CDC42BPB: variants seen among roughly 807,000 people sequenced by gnomAD.
CDC42BPB encodes the protein CDC42 binding protein kinase beta.
CDC42BPB carries 37 observed loss-of-function variants against 214.9 expected under a neutral mutation model. The observed-to-expected ratio is 0.17, with a 90% CI of 0.13 to 0.23. CDC42BPB has a LOEUF of 0.23. Ranked by LOEUF, CDC42BPB falls within the 10% of genes least tolerant of loss-of-function variation. CDC42BPB has a pLI of 1.00. For synonymous variants in CDC42BPB, 931 were observed against 884.0 expected, an observed-to-expected ratio of 1.05 and a Z score of -0.94; for missense variants, 1,694 against 2,227.0, an observed-to-expected ratio of 0.76 and a Z score of 4.82.
rs538525924 is a variant in CDC42BPB, at chr14:102,946,557, C to T, written c.3659G>A (p.Arg1220Gln). The T allele has an allele frequency of 7.2e-5, 116 of 1,612,764 alleles. No individual in the cohort carries two copies. The highest frequency in any genetic ancestry group is 1.7e-4 in the Middle Eastern group (1 of 6,060). Residue 1220 changes from arginine to glutamine, a missense_variant, in exon 28 of 37, where the codon CGG (arginine) becomes CAG (glutamine). Arg to Gln is a conservative substitution (Grantham distance 43). Coordinates refer to ENST00000361246, the MANE Select transcript of CDC42BPB (RefSeq NM_006035.4). ...AACATGCACGACCTGATTCCTCAGC[C>T]GGTTTTTATGAAGGATGGACTGGAG... is the stretch of plus-strand genomic sequence containing the variant. ...EGLQSILHKNRLRNQVVHVPL... is the reference protein window; with the variant it reads ...EGLQSILHKNQLRNQVVHVPL...
intron 20 of CDC42BPB, 100 bp from the exon 21 acceptor site, chr14:102,959,810 T>TA (rs1892874199): frequency 8.4e-7 from 1 of 1,196,638 alleles, no homozygotes; most frequent in Non-Finnish European, 1.1e-6. Flanking sequence ...TCTCCTTGAG[T>TA]AACTGATACA....
chr14:103,039,913 A>G (rs925929079), intron 1 of CDC42BPB, among the ~76,000 whole-genome samples: 2 of 152,204 alleles, frequency 1.3e-5, no homozygotes, highest in Non-Finnish European at 2.9e-5. Flanking sequence ...AAAAACTACT[A>G]AAACTAATTA....
intron 1 of CDC42BPB, among the ~76,000 whole-genome samples, chr14:103,035,933 CT>C (rs1373939070): frequency 6.6e-6 from 1 of 152,080 alleles, no homozygotes; most frequent in African/African-American, 2.4e-5. Flanking sequence ...AGGAGGATCG[CT>C]TTAGCTCAGG....
At chr14:103,006,646 G>C (rs1885835254) in intron 3 of CDC42BPB, among the ~76,000 whole-genome samples, 1 of 152,048 alleles carries the variant, frequency 6.6e-6, no homozygotes, top group African/African-American at 2.4e-5. Flanking sequence ...TTATAAATCA[G>C]TATTATAAAA....
chr14:102,975,033 A>G (rs1469006504), intron 11 of CDC42BPB, among the ~76,000 whole-genome samples: 5 of 152,278 alleles, frequency 3.3e-5, no homozygotes, highest in Non-Finnish European at 7.3e-5. Flanking sequence ...AAGTGGTGAC[A>G]GCAGGTCTAG....
chr14:102,961,057 C>T (rs564460438), intron 20 of CDC42BPB, among the ~76,000 whole-genome samples: 51 of 151,932 alleles, frequency 3.4e-4, no homozygotes, highest in Non-Finnish European at 4.7e-4. Flanking sequence ...GTCCCAGCTA[C>T]TCAGGGGGCT....
intron 1 of CDC42BPB, among the ~76,000 whole-genome samples, chr14:103,055,930 G>T (rs886490189): frequency 6.6e-6 from 1 of 152,206 alleles, no homozygotes; most frequent in Non-Finnish European, 1.5e-5. Flanking sequence ...CCAAGGATAA[G>T]GTTTTCATAG....
intron 5 of CDC42BPB, among the ~76,000 whole-genome samples, chr14:102,997,864 G>A (rs951556234): frequency 2.6e-5 from 4 of 152,376 alleles, no homozygotes; most frequent in African/African-American, 9.6e-5. Flanking sequence ...ATGACGTGGA[G>A]CCGGGCGCGG....
At chr14:103,003,871 A>G (rs973784857) in intron 4 of CDC42BPB, 57 bp downstream of exon 4, 1 of 1,389,490 alleles carries the variant, frequency 7.2e-7, no homozygotes, top group Non-Finnish European at 1.0e-6. Context: ...TAGTGACAGC[A>G]TAAAGGAATA....
chr14:102,976,035 C>T lies in CDC42BPB; in HGVS notation c.1235G>A (p.Arg412Gln), dbSNP rs775986875. 9 of 1,611,084 alleles carry T rather than the reference C, an allele frequency of 5.6e-6. No homozygotes were observed. Among genetic ancestry groups the T allele is most frequent in the Admixed American group, 5.0e-5 (3 of 59,614 alleles). The stretch of plus-strand genomic sequence containing the variant: ...CTGCATTATGCTCTTCAGAGAGCCT[C>T]GATCAGAAAAACAGCTGGGAAACCA... The part of the protein sequence containing the change: ...TFTTESCFSD[R>Q]GSLKSIMQSN... The change falls in exon 10 of 37, where the codon CGA becomes CAA. Residue 412 changes from arginine (R) to glutamine (Q), a missense_variant. Transcript: ENST00000361246.
At chr14:103,053,087 C>T (rs992980853) in intron 1 of CDC42BPB, among the ~76,000 whole-genome samples, 3 of 152,190 alleles carry the variant, frequency 2.0e-5, no homozygotes, top group Admixed American at 1.3e-4. Context: ...TGGTGGCTCA[C>T]GCCTGTAATC....
rs533158131 is a variant in CDC42BPB, at chr14:102,985,363, T to C, written c.690+1124A>G. 4.6e-4 allele frequency among the ~76,000 whole-genome samples: 68 copies of C among 148,608 alleles called. 1 individual carries two copies. The highest frequency in any genetic ancestry group is 1.7e-3 in the African/African-American group (67 of 39,776). On this transcript the variant is annotated intron_variant, in intron 6 of 36. Coordinates refer to ENST00000361246, the MANE Select transcript of CDC42BPB (RefSeq NM_006035.4). ...CAGGGTGGTGTGGAGGTGAGGAGGGTAACCCATGCTCTTGTTATACCGTGA... is the reference window on the plus strand; with the variant it reads ...CAGGGTGGTGTGGAGGTGAGGAGGGCAACCCATGCTCTTGTTATACCGTGA...
rs373866056 is a variant in CDC42BPB, at chr14:102,968,478, C to T, written c.2234G>A (p.Arg745Gln). The T allele has an allele frequency of 1.5e-5, 24 of 1,613,996 alleles. No individual in the cohort carries two copies. The highest frequency in any genetic ancestry group is 1.6e-4 in the Middle Eastern group (1 of 6,082). Residue 745 changes from arginine to glutamine, a missense_variant, in exon 15 of 37, where the codon CGA becomes CAA. Coordinates refer to ENST00000361246, the MANE Select transcript of CDC42BPB (RefSeq NM_006035.4). ...GAAGCTCATGAAAACCTACCGTTCT[C>T]GCTTTGACTTTTCTAACTTATCTTT... ...MLKDKLEKSK[R>Q]ERHNEMEEAV...
chr14:102,952,815 A>G, intron 23 of CDC42BPB: 2 of 799,852 alleles, frequency 2.5e-6, no homozygotes, highest in Non-Finnish European at 3.0e-6. Context: ...AGGCCAACAA[A>G]TACTTCCTTC....
At chr14:103,043,549 C>T (rs965427890) in intron 1 of CDC42BPB, among the ~76,000 whole-genome samples, 1 of 152,170 alleles carries the variant, frequency 6.6e-6, no homozygotes, top group Admixed American at 6.6e-5. Context: ...CTAAAGGTTA[C>T]AGGGTTCCTT....
At position 102,974,026 on chromosome 14, in the gene CDC42BPB, T is replaced by A. The variant is rs763896010; in HGVS notation, c.1631A>T (p.Glu544Val). 7.5e-6 allele frequency: 12 copies of A among 1,609,086 alleles called. No individual in the cohort carries two copies. Among genetic ancestry groups the A allele is most frequent in the Non-Finnish European group, 1.0e-5 (12 of 1,178,120 alleles). Residue 544 changes from glutamate (E) to valine (V), a missense_variant, in exon 12 of 37, where the codon GAG (glutamate) becomes GTG (valine). Glu to Val is a moderately radical substitution (Grantham distance 121). This residue lies in a region of CDC42BPB where 462 missense variants were observed against 513.5 expected (regional missense o/e 0.90). Transcript: ENST00000361246. Reference sequence around the variant, plus strand: ...AACTGAGCCACCTACCTTGTGCAGCTCCTCCTTCTCCTGCCGGACCACGCG... The same window carrying A: ...AACTGAGCCACCTACCTTGTGCAGCACCTCCTTCTCCTGCCGGACCACGCG... ...QHRVVRQEKEELHKQLVEASE... is the reference protein window; with the variant it reads ...QHRVVRQEKEVLHKQLVEASE...
At chr14:103,017,665 C>G (rs532817082) in intron 1 of CDC42BPB, among the ~76,000 whole-genome samples, 4 of 152,170 alleles carry the variant, frequency 2.6e-5, no homozygotes, top group African/African-American at 9.6e-5. Flanking sequence ...AACTGAAGAA[C>G]AGTCTCCAAA....
At chr14:102,934,089 A>T (rs1472444678) in intron 36 of CDC42BPB, 2 of 1,186,768 alleles carry the variant, frequency 1.7e-6, no homozygotes, top group Non-Finnish European at 2.2e-6. Flanking sequence ...AAAAGACAGC[A>T]ACTCTGTAGT....
intron 1 of CDC42BPB, among the ~76,000 whole-genome samples, chr14:103,043,791 T>C (rs1322951836): frequency 2.0e-5 from 3 of 151,738 alleles, no homozygotes; most frequent in Admixed American, 2.0e-4. Flanking sequence ...TCTATATTGC[T>C]GACAGCTGGT....
Sources: allele counts gnomAD v4.1 joint callset (sites outside exome capture counted in the v4.1 genomes callset), GRCh38; gene constraint gnomAD v4.1.1; regional missense constraint gnomAD v4.1.1; transcripts MANE v1.5; gene names NCBI Gene and HGNC (gene_info 2026-07-23, HGNC 2026-07-21).